POLH: variants seen among roughly 807,000 people sequenced by gnomAD.
The protein encoded by POLH is DNA polymerase eta transcript.
A neutral mutation model predicts 73.6 loss-of-function variants in POLH; 53 were observed. The ratio of observed to expected loss-of-function variants is 0.72; its 90% confidence interval spans 0.58 to 0.91. The LOEUF (loss-of-function observed/expected upper bound fraction) is 0.91. Ranked by LOEUF, POLH falls within the 40% of genes least tolerant of loss-of-function variation. POLH has a pLI of 0.00. For missense variants in POLH, 768 were observed against 865.4 expected, an observed-to-expected ratio of 0.89 and a Z score of 1.41; for synonymous variants, 292 against 308.5, an observed-to-expected ratio of 0.95 and a Z score of 0.56.
Position 43,617,451 on chromosome 6 carries a change from A to G in POLH, c.*2894A>G, listed in dbSNP as rs1768422047. ...GACCAGGCTGGCCAACATGGGGAAA[A>G]CCCATCTCTACAAAAAATAACAAAA... On this transcript the variant is annotated 3_prime_UTR_variant, in exon 11 of 11. Coordinates refer to ENST00000372236, the MANE Select transcript of POLH (RefSeq NM_006502.3). Among the ~76,000 whole-genome samples the G allele has an allele frequency of 6.6e-6, 1 of 150,716 alleles. No individual in the cohort carries two copies. The highest frequency in any genetic ancestry group is 6.6e-5 in the Admixed American group (1 of 15,062).
At chr6:43,582,574 C>G (rs1371873536) in intron 2 of POLH, 118 bp downstream of exon 2, 1 of 1,036,690 alleles carries the variant, frequency 9.6e-7, no homozygotes, top group African/African-American at 1.6e-5. Flanking sequence ...GTTGTCCCAT[C>G]CAGAGCGCAG....
At chr6:43,585,870 C>G (rs1019380703) in intron 3 of POLH, among the ~76,000 whole-genome samples, 5 of 151,446 alleles carry the variant, frequency 3.3e-5, no homozygotes, top group African/African-American at 4.8e-5. Context: ...TCTCGAACTC[C>G]TGACCTCAGG....
intron 4 of POLH, chr6:43,588,607 T>G (rs1192861586): frequency 6.6e-6 from 1 of 151,826 alleles, no homozygotes; most frequent in Non-Finnish European, 1.5e-5. Context: ...ATGTATCCAC[T>G]ACACGCTGCT....
chr6:43,592,504 C>T (rs960336296), intron 4 of POLH, among the ~76,000 whole-genome samples: 5 of 151,594 alleles, frequency 3.3e-5, no homozygotes, highest in East Asian at 1.9e-4. Context: ...CTCCACCTCC[C>T]GGGTTCACGC....
chr6:43,598,201 C>CAAAAAAAAAAAAAAAAAAAAAAAAA (rs560020212), intron 5 of POLH, among the ~76,000 whole-genome samples: 1 of 73,294 alleles, frequency 1.4e-5, no homozygotes, highest in African/African-American at 5.1e-5. Context: ...AGACTGTCAC[C>CAAAAAAAAAAAAAAAAAAAAAAAAA]AAAAAAAAAA....
At position 43,599,144 on chromosome 6, in the gene POLH, A is replaced by G. The variant is rs531579671; in HGVS notation, c.660+1279A>G. ...GCTGGGATTACAGGTGCACACCACC[A>G]TGCCTGGCTAATTTTTGTATTTTTA... On this transcript the variant is annotated intron_variant, in intron 5 of 10. Transcript: ENST00000372236. Among the ~76,000 whole-genome samples the G allele has an allele frequency of 4.6e-3, 703 of 151,968 alleles. 6 individuals carry two copies. Among genetic ancestry groups the G allele is most frequent in the Non-Finnish European group, 7.4e-3 (502 of 67,972 alleles).
At chr6:43,594,437 T>C (rs1765825463) in intron 4 of POLH, among the ~76,000 whole-genome samples, 1 of 152,182 alleles carries the variant, frequency 6.6e-6, no homozygotes, top group Non-Finnish European at 1.5e-5. Context: ...AAAAACTACC[T>C]TTTGGCCGGG....
Position 43,614,028 on chromosome 6 carries a change from T to C in POLH, c.1613T>C (p.Leu538Pro), listed in dbSNP as rs189022924. The C allele has an allele frequency of 4.9e-5, 79 of 1,614,162 alleles. No individual in the cohort carries two copies. The Admixed American group carries it at 1.3e-3, about 26-fold the overall frequency. Residue 538 changes from leucine (L) to proline (P), a missense_variant, in exon 11 of 11, where the codon CTT becomes CCT. Coordinates refer to ENST00000372236, the MANE Select transcript of POLH (RefSeq NM_006502.3). ...CCCTTCTTTAAGCAGAAAAGTCTGC[T>C]TCTAAAGCAGAAACAGCTTAATAAT... is the stretch of plus-strand genomic sequence containing the variant. ...TEPFFKQKSL[L>P]LKQKQLNNSS...
intron 4 of POLH, among the ~76,000 whole-genome samples, chr6:43,596,877 A>T (rs1766122918): frequency 6.6e-6 from 1 of 152,192 alleles, no homozygotes; most frequent in Admixed American, 6.5e-5. Context: ...GCAACATCTG[A>T]CTTAAAACAG....
In POLH at chr6:43,613,781, G is replaced by A. The variant is rs201370314; in HGVS notation, c.1366G>A (p.Val456Ile). ...CCCAAGTTCTCTGCCAAAGGTGCCA[G>A]TTACCAGCTCAGAAGCTAAGACCCA... ...SDPSSLPKVP[V>I]TSSEAKTQGS... Residue 456 changes from valine to isoleucine, a missense_variant, in exon 11 of 11, where the codon GTT becomes ATT. Val to Ile is a conservative substitution (Grantham distance 29, BLOSUM62 3). Transcript: ENST00000372236. 11 of 1,613,886 alleles carry A rather than the reference G, an allele frequency of 6.8e-6. No homozygotes were observed. In the East Asian group the frequency reaches 2.5e-4, roughly 36 times the overall value.
intron 10 of POLH, among the ~76,000 whole-genome samples, chr6:43,612,507 C>T (rs528708467): frequency 2.0e-5 from 3 of 151,584 alleles, no homozygotes; most frequent in Admixed American, 6.6e-5. Context: ...CCACCACGCC[C>T]GGCTAAATTT....
intron 1 of POLH, among the ~76,000 whole-genome samples, chr6:43,581,618 G>A (rs979890156): frequency 6.8e-6 from 1 of 146,686 alleles, no homozygotes; most frequent in East Asian, 1.9e-4. Flanking sequence ...GCTCGCCGGC[G>A]CGGCGGCAAA....
At chr6:43,577,880 C>T (rs1038148245) in intron 1 of POLH, among the ~76,000 whole-genome samples, 1 of 147,536 alleles carries the variant, frequency 6.8e-6, no homozygotes, top group South Asian at 2.2e-4. Flanking sequence ...GTCAGGAGAT[C>T]GAGACCATCC....
At chr6:43,608,656 A>C (rs1767556440) in intron 9 of POLH, among the ~76,000 whole-genome samples, 1 of 152,114 alleles carries the variant, frequency 6.6e-6, no homozygotes, top group South Asian at 2.1e-4. Context: ...AGCCTCCCAC[A>C]GTGCTGGGAG....
At position 43,610,696 on chromosome 6, in the gene POLH, G is replaced by GT. The variant is rs768098285; in HGVS notation, c.1218dup (p.Asn407Ter). On this transcript the variant is annotated frameshift_variant, in exon 10 of 11. Coordinates refer to ENST00000372236, the MANE Select transcript of POLH (RefSeq NM_006502.3). LOFTEE classifies it high-confidence loss of function. Reference sequence around the variant, plus strand: ...GATGCATTTACTGTCATCAAGAACTGTAATACTTCTGGAATCCAGACAGAA... The same window carrying GT: ...GATGCATTTACTGTCATCAAGAACTGTTAATACTTCTGGAATCCAGACAGAA... The GT allele has an allele frequency of 6.2e-7, 1 of 1,613,062 alleles. No individual in the cohort carries two copies. The highest frequency in any genetic ancestry group is 1.7e-5 in the Admixed American group (1 of 60,008).
intron 1 of POLH, chr6:43,578,379 C>T (rs1054101582): frequency 4.6e-6 from 2 of 432,876 alleles, no homozygotes; most frequent in Non-Finnish European, 4.6e-6. Flanking sequence ...GAGAACGAAA[C>T]TCTAACTCAA....
intron 2 of POLH, among the ~76,000 whole-genome samples, chr6:43,582,683 A>G (rs1459070861): frequency 6.6e-6 from 1 of 152,018 alleles, no homozygotes; most frequent in Non-Finnish European, 1.5e-5. Context: ...CCACCATGCC[A>G]AGCTGATTTT....
chr6:43,613,693 T>TACAAAATTTTCTGCCTCTGCCCC lies in POLH; in HGVS notation c.1279_1301dup (p.Ser435GlnfsTer18). The TACAAAATTTTCTGCCTCTGCCCC allele has an allele frequency of 6.2e-7, 1 of 1,614,024 alleles. No homozygotes were observed. The highest frequency in any genetic ancestry group is 8.5e-7 in the Non-Finnish European group (1 of 1,179,968). On this transcript the variant is annotated frameshift_variant, in exon 11 of 11. Transcript: ENST00000372236. LOFTEE classifies it high-confidence loss of function. ...CTCTCACAATGCTTTTCCTCTGTGC[T>TACAAAATTTTCTGCCTCTGCCCC]ACAAAATTTTCTGCCTCTGCCCCTT...
chr6:43,600,891 A>G lies in POLH; in HGVS notation c.661-97A>G, dbSNP rs564808590. 2.4e-5 allele frequency: 20 copies of G among 817,378 alleles called. No individual in the cohort carries two copies. The African/African-American group carries it at 3.3e-4, about 14-fold the overall frequency. 50.6% of individuals were successfully genotyped at this position (817,378 alleles called of 1,614,324 possible). ...AATGTAGAAACCATTAGTTACAGCT[A>G]TTAAGCTCTGTGTGTGTGTATGTTA... On this transcript the variant is annotated intron_variant, in intron 5 of 10. Transcript: ENST00000372236.
Sources: gnomAD v4.1 joint callset for allele counts (sites outside exome capture counted in the v4.1 genomes callset) on GRCh38, gnomAD v4.1.1 for gene constraint, MANE v1.5 for transcripts, NCBI Gene and HGNC (gene_info 2026-07-23, HGNC 2026-07-21) for gene names.